The following ENG variants were observed in gnomAD, a reference collection of about 807,000 sequenced individuals.
ENG encodes CD105 antigen.
Under a neutral mutation model 71.0 loss-of-function variants are expected in ENG, and 17 were observed. The observed-to-expected ratio is 0.24, with a 90% confidence interval of 0.16 to 0.36. The LOEUF is 0.36. Among genes scored for constraint, ENG ranks in the 10% least tolerant of loss-of-function variants. ENG has a pLI of 1.00. For missense variants in ENG, 749 were observed against 868.3 expected (o/e 0.86, Z 1.73); for synonymous variants, 360 against 366.9 (o/e 0.98, Z 0.21).
In ENG at chr9:127,826,275, G is replaced by A. The variant is rs41377844; in HGVS notation, c.523+235C>T. 3.0e-3 allele frequency among the ~76,000 whole-genome samples: 453 copies of A among 152,316 alleles called. No homozygotes were observed. The highest frequency in any genetic ancestry group is 0.011 in the African/African-American group (445 of 41,550). On this transcript the variant is annotated intron_variant, in intron 4 of 14. Coordinates refer to ENST00000373203, the MANE Select transcript of ENG (RefSeq NM_001114753.3). The stretch of plus-strand genomic sequence containing the variant: ...GCACATAGTAGATGCACAATAGATC[G>A]TATGAAAATGCTGGGGTTTTAGGTC...
chr9:127,834,098 GA>G (rs1369749785), intron 2 of ENG, among the ~76,000 whole-genome samples: 2 of 152,138 alleles, frequency 1.3e-5, no homozygotes, highest in Non-Finnish European at 2.9e-5. Context: ...TTTTGAGATG[GA>G]GTCTTGCCCT....
At chr9:127,843,804 T>C (rs1217920278) in intron 1 of ENG, among the ~76,000 whole-genome samples, 2 of 122,402 alleles carry the variant, frequency 1.6e-5, no homozygotes, top group East Asian at 5.3e-4. Flanking sequence ...GGAGTTTTGC[T>C]CTTCTTGCCC....
chr9:127,849,234 G>A (rs1201678663), intron 1 of ENG, among the ~76,000 whole-genome samples: 2 of 152,218 alleles, frequency 1.3e-5, no homozygotes, highest in Non-Finnish European at 2.9e-5. Context: ...ACCTGCGTCA[G>A]GAGTAAGAAC....
At chr9:127,832,737 G>C (rs1373689979) in intron 2 of ENG, 2 of 152,036 alleles carry the variant, frequency 1.3e-5, no homozygotes, top group African/African-American at 4.8e-5. Context: ...TTTCATTTTA[G>C]TGTGCCATTT....
intron 13 of ENG, chr9:127,816,903 A>G: frequency 1.7e-6 from 1 of 581,238 alleles, no homozygotes; most frequent in East Asian, 2.9e-5. Context: ...GTGGGGGCAG[A>G]GGCCTAGACT....
chr9:127,825,715 G>T lies in ENG; in HGVS notation c.669C>A (p.Val223=). Residue 223 remains valine (V), a synonymous_variant, in exon 5 of 15, where the codon GTC becomes GTA. Coordinates refer to ENST00000373203, the MANE Select transcript of ENG (RefSeq NM_001114753.3). The stretch of plus-strand genomic sequence containing the variant: ...CATACCCGGCCGAGTGGCCCGGCAG[G>T]ACCCTCAGGATGTGCGCCTCCTTGT... ...AGHKEAHILR[V]LPGHSAGPRT... 1 of 1,590,592 alleles carries T rather than the reference G, an allele frequency of 6.3e-7. No homozygotes were observed. The highest frequency in any genetic ancestry group is 1.1e-5 in the South Asian group (1 of 88,972).
intron 12 of ENG, chr9:127,817,674 G>A: frequency 2.9e-6 from 1 of 350,782 alleles, no homozygotes; most frequent in Non-Finnish European, 5.5e-6. Context: ...GCCTGAGAGT[G>A]GGGGTCACCA....
Position 127,815,231 on chromosome 9 carries a change from C to T in ENG, c.*451G>A, listed in dbSNP as rs1029698984. ...CCCCTGCCAGTTAGTTAGGCAAGTT[C>T]AGGTGTGGAGGCCGCAGGGATAGAT... is the stretch of plus-strand genomic sequence containing the variant. On this transcript the variant is annotated 3_prime_UTR_variant, in exon 15 of 15. Transcript: ENST00000373203. 7.5e-5 allele frequency: 12 copies of T among 160,374 alleles called. No homozygotes were observed. The highest frequency in any genetic ancestry group is 1.9e-4 in the South Asian group (1 of 5,308). The allele number at this position is 160,374 out of a possible 1,614,324, so 9.9% of individuals were successfully genotyped here. A position where few individuals can be genotyped will look rare whatever the true frequency, so the allele number is the denominator to read the frequency against.
At chr9:127,834,971 G>C (rs1347367100) in intron 2 of ENG, among the ~76,000 whole-genome samples, 2 of 151,566 alleles carry the variant, frequency 1.3e-5, no homozygotes, top group African/African-American at 4.8e-5. Flanking sequence ...AAAATATATT[G>C]TTTCATCAGT....
In ENG at chr9:127,838,238, G is replaced by A. The variant is rs1480667823; in HGVS notation, c.219+4856C>T. Among the ~76,000 whole-genome samples the A allele has an allele frequency of 2.0e-5, 3 of 152,144 alleles. No homozygotes were observed. Among genetic ancestry groups the A allele is most frequent in the African/African-American group, 7.2e-5 (3 of 41,420 alleles). On this transcript the variant is annotated intron_variant, in intron 2 of 14. Transcript: ENST00000373203. The surrounding 1 kb of genome is among the most constrained non-coding windows in gnomAD (Gnocchi z 4.3). The stretch of plus-strand genomic sequence containing the variant: ...GGCTCAGAGCCATTTGGGATTTTGG[G>A]GTCCTGGGTACCCAGAGCATCATCT...
At chr9:127,843,643 A>G (rs965373277) in intron 1 of ENG, among the ~76,000 whole-genome samples, 1 of 148,672 alleles carries the variant, frequency 6.7e-6, no homozygotes, top group Non-Finnish European at 1.5e-5. Context: ...GTGTGTGTGT[A>G]TATATACATA....
chr9:127,819,103 A>G (rs1191388257), intron 10 of ENG: 4 of 394,884 alleles, frequency 1.0e-5, no homozygotes, highest in Non-Finnish European at 1.4e-5. Flanking sequence ...ACGCCCGGCT[A>G]ATTTTTTGTA....
intron 2 of ENG, among the ~76,000 whole-genome samples, chr9:127,835,986 G>C (rs1207622013): frequency 2.0e-5 from 3 of 152,158 alleles, no homozygotes; most frequent in Non-Finnish European, 2.9e-5. Context: ...ACTCAGGGGG[G>C]CTGGAAAGCT....
rs1283854555 is a variant in ENG at position 127,836,159 on chromosome 9, G to C, written c.220-6332C>G. 6.6e-6 allele frequency among the ~76,000 whole-genome samples: 1 copy of C among 152,180 alleles called. No individual in the cohort carries two copies. The highest frequency in any genetic ancestry group is 1.9e-4 in the East Asian group (1 of 5,198). ...GACTTCCCCCTTCTCTCCCGGCCGG[G>C]GGCCCCAGAGGCAAAAAACGATGGC... On this transcript the variant is annotated intron_variant, in intron 2 of 14. Transcript: ENST00000373203. This position sits in a 1 kb window ranked among gnomAD's most constrained non-coding sequence, Gnocchi z 4.0.
chr9:127,845,479 G>A (rs1428859525), intron 1 of ENG, among the ~76,000 whole-genome samples: 2 of 152,236 alleles, frequency 1.3e-5, no homozygotes, highest in Non-Finnish European at 2.9e-5. Flanking sequence ...AGGGACTCTG[G>A]AGTGCCTGGA....
rs376641299 is a variant in ENG, at chr9:127,829,756, C to G, written c.291G>C (p.Leu97=). The change falls in exon 3 of 15, where the codon CTG becomes CTC. Residue 97 remains leucine, a synonymous_variant. Coordinates refer to ENST00000373203, the MANE Select transcript of ENG (RefSeq NM_001114753.3). ...AGACACTGCTGTTTACACTGAGGAC[C>G]AGAAGCACCTCTCGGGGCCAGGTGC... ...QNGTWPREVL[L]VLSVNSSVFL... is the part of the protein sequence containing the mutation. The G allele has an allele frequency of 1.8e-4, 289 of 1,614,008 alleles. No homozygotes were observed. Among genetic ancestry groups the G allele is most frequent in the Non-Finnish European group, 2.2e-4 (259 of 1,180,022 alleles).
chr9:127,829,763 A>G lies in ENG; in HGVS notation c.284T>C (p.Val95Ala). 1.2e-6 allele frequency: 2 copies of G among 1,613,824 alleles called. No homozygotes were observed. Among genetic ancestry groups the G allele is most frequent in the Non-Finnish European group, 8.5e-7 (1 of 1,179,968 alleles). Residue 95 changes from valine to alanine, a missense_variant, in exon 3 of 15, where the codon GTG becomes GCG. By Grantham distance (64) the Val-to-Ala change is moderately conservative. Coordinates refer to ENST00000373203, the MANE Select transcript of ENG (RefSeq NM_001114753.3). ...GCTGTTTACACTGAGGACCAGAAGC[A>G]CCTCTCGGGGCCAGGTGCCATTTTG... ...SKQNGTWPRE[V>A]LLVLSVNSSV...
chr9:127,819,254 A>G (rs1234639192), intron 10 of ENG: 11 of 311,094 alleles, frequency 3.5e-5, no homozygotes, highest in Non-Finnish European at 6.1e-5. Flanking sequence ...TTTTTTTTAA[A>G]CTAATATTTA....
In ENG at chr9:127,815,818, A is replaced by C. The variant is rs1023237192; in HGVS notation, c.1853-12T>G. The C allele has an allele frequency of 6.5e-7, 1 of 1,546,958 alleles. No individual in the cohort carries two copies. The highest frequency in any genetic ancestry group is 1.4e-5 in the African/African-American group (1 of 73,122). On this transcript the variant is annotated splice_polypyrimidine_tract_variant and intron_variant, in intron 14 of 14. Transcript: ENST00000373203. ...CTTGCTGGGGGAACCTGGGAGCGGGAGCGGGGGCAGGGGCGGAGGTCAGGG... is the reference window on the plus strand; with the variant it reads ...CTTGCTGGGGGAACCTGGGAGCGGGCGCGGGGGCAGGGGCGGAGGTCAGGG...
Sources: allele counts gnomAD v4.1 joint callset (sites outside exome capture counted in the v4.1 genomes callset), GRCh38; gene constraint gnomAD v4.1.1; non-coding constraint Gnocchi (gnomAD v3.1); transcripts MANE v1.5; gene names NCBI Gene and HGNC (gene_info 2026-07-23, HGNC 2026-07-21).